RNGTT: variants seen among roughly 807,000 people sequenced by gnomAD.
RNGTT encodes RNA guanylyltransferase and 5'-phosphatase.
In RNGTT, 33 loss-of-function variants were observed where a neutral mutation model predicts 79.3. The ratio of observed to expected loss-of-function variants is 0.42; its 90% CI spans 0.32 to 0.56. The LOEUF (loss-of-function observed/expected upper bound fraction) is 0.56. Among genes scored for constraint, RNGTT ranks in the 20% least tolerant of loss-of-function variants. The probability of loss-of-function intolerance (pLI) is 0.17; values close to 1 mark genes in which losing one functional copy is unlikely to be tolerated. For missense variants in RNGTT, 497 were observed against 739.1 expected, an observed-to-expected ratio of 0.67 and a Z score of 3.80; for synonymous variants, 222 against 235.9, an observed-to-expected ratio of 0.94 and a Z score of 0.54.
At chr6:88,871,125 T>C (rs946922203) in intron 8 of RNGTT, among the ~76,000 whole-genome samples, 4 of 152,152 alleles carry the variant, frequency 2.6e-5, no homozygotes, top group African/African-American at 9.7e-5. Context: ...TTCTAGAGTA[T>C]ACAGACCATA....
intron 13 of RNGTT, among the ~76,000 whole-genome samples, chr6:88,747,504 C>T (rs1353028372): frequency 6.6e-6 from 1 of 152,058 alleles, no homozygotes; most frequent in Non-Finnish European, 1.5e-5. Flanking sequence ...GAGTAAAGAT[C>T]CTGAAGGAGA....
At chr6:88,646,320 G>A (rs184131037) in intron 14 of RNGTT, among the ~76,000 whole-genome samples, 12 of 152,200 alleles carry the variant, frequency 7.9e-5, no homozygotes, top group East Asian at 3.9e-4. Flanking sequence ...TTAGAATGGC[G>A]ATCATTAAAA....
At chr6:88,833,838 A>G (rs756877308) in intron 11 of RNGTT, among the ~76,000 whole-genome samples, 3 of 152,120 alleles carry the variant, frequency 2.0e-5, no homozygotes, top group Admixed American at 6.6e-5. Flanking sequence ...CCTGGCCAAT[A>G]TGGTGAAACC....
chr6:88,931,822 T>G lies in RNGTT; in HGVS notation c.175-2555A>C, dbSNP rs146214853. Among the ~76,000 whole-genome samples the G allele has an allele frequency of 3.5e-3, 538 of 152,286 alleles. 2 individuals carry two copies. Among genetic ancestry groups the G allele is most frequent in the African/African-American group, 0.012 (500 of 41,554 alleles). On this transcript the variant is annotated intron_variant, in intron 2 of 15. Transcript: ENST00000369485. The stretch of plus-strand genomic sequence containing the variant: ...TAAAATTCCTATGCCTGTCTTTACT[T>G]TAATCTCTTAATCCCATCATCTTCG...
At chr6:88,648,288 T>C (rs766985207) in intron 14 of RNGTT, among the ~76,000 whole-genome samples, 4 of 152,148 alleles carry the variant, frequency 2.6e-5, no homozygotes, top group Admixed American at 6.5e-5. Context: ...ATCTGAATTA[T>C]TGGTATGAAT....
At chr6:88,900,465 G>A (rs1021533673) in intron 6 of RNGTT, among the ~76,000 whole-genome samples, 1 of 152,132 alleles carries the variant, frequency 6.6e-6, no homozygotes, top group Non-Finnish European at 1.5e-5. Flanking sequence ...ATCCAAAGTA[G>A]GCTGATGCCT....
In RNGTT at chr6:88,941,061, T is replaced by G; in HGVS notation, c.174+10A>C. 1 of 1,537,564 alleles carries G rather than the reference T, an allele frequency of 6.5e-7. No individual in the cohort carries two copies. Among genetic ancestry groups the G allele is most frequent in the Non-Finnish European group, 9.0e-7 (1 of 1,115,082 alleles). On this transcript the variant is annotated intron_variant, in intron 2 of 15. Coordinates refer to ENST00000369485, the MANE Select transcript of RNGTT (RefSeq NM_003800.5). ...TTAAATCAGTGACAAAAATAAATTT[T>G]GTTTCTTACCTTTAGGCTCTTTAGG...
At chr6:88,883,170 CAAAAAAAAA>C (rs976114373) in intron 8 of RNGTT, among the ~76,000 whole-genome samples, 1,942 of 68,952 alleles carry the variant, frequency 0.028, 43 homozygotes, top group African/African-American at 0.079. Context: ...CTCTTTATGA[CAAAAAAAAA>C]AAAAAAAAAA....
At chr6:88,884,434 G>A (rs1182773907) in intron 8 of RNGTT, among the ~76,000 whole-genome samples, 3 of 152,030 alleles carry the variant, frequency 2.0e-5, no homozygotes, top group Non-Finnish European at 4.4e-5. Flanking sequence ...TAAAAGAAAG[G>A]GGAAAAAGAA....
intron 11 of RNGTT, among the ~76,000 whole-genome samples, chr6:88,832,813 CAT>C (rs1452615601): frequency 6.6e-6 from 1 of 152,084 alleles, no homozygotes; most frequent in East Asian, 1.9e-4. Context: ...AGCCAAGAAA[CAT>C]ATGAAAAAAT....
intron 11 of RNGTT, among the ~76,000 whole-genome samples, chr6:88,826,609 C>T (rs1037899427): frequency 7.3e-5 from 11 of 151,492 alleles, no homozygotes; most frequent in Non-Finnish European, 1.0e-4. Context: ...CATGGAGAAA[C>T]CCCATCTCTA....
At chr6:88,822,329 A>G (rs1341131359) in intron 11 of RNGTT, among the ~76,000 whole-genome samples, 3 of 152,338 alleles carry the variant, frequency 2.0e-5, no homozygotes, top group East Asian at 3.9e-4. Context: ...AAAAGAAAAT[A>G]TATGTCCAAC....
chr6:88,795,589 C>T (rs1240111530), intron 12 of RNGTT, among the ~76,000 whole-genome samples: 1 of 151,988 alleles, frequency 6.6e-6, no homozygotes, highest in Non-Finnish European at 1.5e-5. Flanking sequence ...ATGTAGATGA[C>T]GGGTTGATGA....
At chr6:88,880,148 A>C (rs1311562162) in intron 8 of RNGTT, among the ~76,000 whole-genome samples, 1 of 151,998 alleles carries the variant, frequency 6.6e-6, no homozygotes, top group Non-Finnish European at 1.5e-5. Context: ...ACAGAGCCCT[A>C]GGGGTAAATA....
chr6:88,669,650 GA>G (rs1562183460), intron 14 of RNGTT, among the ~76,000 whole-genome samples: 1 of 152,170 alleles, frequency 6.6e-6, no homozygotes, highest in Non-Finnish European at 1.5e-5. Context: ...ACCAGGACTG[GA>G]CGGCTCCAGC....
chr6:88,675,613 A>G (rs909439694), intron 14 of RNGTT, among the ~76,000 whole-genome samples: 2 of 152,090 alleles, frequency 1.3e-5, no homozygotes, highest in Admixed American at 6.5e-5. Flanking sequence ...GAGAACAATC[A>G]TTTATGTAGA....
chr6:88,715,630 G>A (rs1195475334), intron 13 of RNGTT, among the ~76,000 whole-genome samples: 3 of 152,052 alleles, frequency 2.0e-5, no homozygotes, highest in Non-Finnish European at 4.4e-5. Flanking sequence ...ATAGACCAAT[G>A]GAACACAACA....
rs143911177 is a variant in RNGTT, at chr6:88,645,107, T to C, written c.1507-30712A>G. ...ATGATTGTATATCTAGAAAACCCCA[T>C]TGTCTTCAGCCCAAAATCTCCTTAA... On this transcript the variant is annotated intron_variant, in intron 14 of 15. Coordinates refer to ENST00000369485, the MANE Select transcript of RNGTT (RefSeq NM_003800.5). Among the ~76,000 whole-genome samples the C allele has an allele frequency of 3.3e-3, 510 of 152,294 alleles. 4 individuals are homozygous for C. Among genetic ancestry groups the C allele is most frequent in the African/African-American group, 0.011 (463 of 41,554 alleles).
intron 13 of RNGTT, among the ~76,000 whole-genome samples, chr6:88,765,585 T>C (rs1562241159): frequency 6.6e-6 from 1 of 152,142 alleles, no homozygotes; most frequent in Non-Finnish European, 1.5e-5. Context: ...ACATAAATCT[T>C]CAGCACAACA....
Sources: allele counts gnomAD v4.1 joint callset (sites outside exome capture counted in the v4.1 genomes callset), GRCh38; gene constraint gnomAD v4.1.1; transcripts MANE v1.5; gene names NCBI Gene and HGNC (gene_info 2026-07-23, HGNC 2026-07-21).